The following C3orf52 variants were observed in gnomAD, a reference collection of about 807,000 sequenced individuals.
The protein encoded by C3orf52 is TPA-induced transmembrane protein.
C3orf52 carries 22 observed loss-of-function variants against 24.8 expected under a neutral mutation model. The observed-to-expected ratio is 0.89, with a 90% CI of 0.63 to 1.27. The LOEUF is 1.27. Ranked by LOEUF, C3orf52 falls within the 50% of genes most tolerant of loss-of-function variation. The pLI is 0.00. For missense variants in C3orf52, 265 were observed against 260.7 expected, an observed-to-expected ratio of 1.02 and a Z score of -0.11; for synonymous variants, 93 against 100.2, an observed-to-expected ratio of 0.93 and a Z score of 0.43.
intron 4 of C3orf52, chr3:112,126,979 T>A: frequency 6.4e-7 from 1 of 1,566,248 alleles, no homozygotes; most frequent in Non-Finnish European, 8.8e-7. Flanking sequence ...AGGAAATCAA[T>A]GACTTACTTT....
At chr3:112,091,362 A>G (rs1414050000) in intron 1 of C3orf52, among the ~76,000 whole-genome samples, 1 of 152,102 alleles carries the variant, frequency 6.6e-6, no homozygotes, top group Non-Finnish European at 1.5e-5. Flanking sequence ...TGAACCTGAA[A>G]CCGGACAGGG....
intron 4 of C3orf52, chr3:112,128,057 A>G (rs1389517492): frequency 6.2e-7 from 1 of 1,613,646 alleles, no homozygotes; most frequent in East Asian, 2.2e-5. Context: ...TGGTGATCCC[A>G]GCATCTAAAA....
intron 1 of C3orf52, among the ~76,000 whole-genome samples, chr3:112,092,337 T>C (rs754921636): frequency 1.3e-5 from 2 of 152,220 alleles, no homozygotes; most frequent in Non-Finnish European, 2.9e-5. Context: ...GGAATCCAAG[T>C]GTGTTAGATA....
chr3:112,116,504 C>A (rs1213271843), intron 5 of C3orf52, 138 bp from the exon 6 acceptor site: 2 of 696,760 alleles, frequency 2.9e-6, no homozygotes, highest in African/African-American at 3.6e-5. Context: ...GACTAAATTT[C>A]CTCTGTTAGG....
intron 3 of C3orf52, among the ~76,000 whole-genome samples, chr3:112,107,887 G>A (rs973589828): frequency 2.4e-4 from 36 of 152,210 alleles, no homozygotes; most frequent in African/African-American, 8.0e-4. Context: ...TGGAAGTGCA[G>A]CGTCCTTGAC....
At chr3:112,089,750 G>A (rs927800941) in intron 1 of C3orf52, among the ~76,000 whole-genome samples, 2 of 152,086 alleles carry the variant, frequency 1.3e-5, no homozygotes, top group African/African-American at 2.4e-5. Context: ...TCAAAAAGAA[G>A]AAAGGCTTTT....
At chr3:112,124,898 C>T (rs115323333) in intron 4 of C3orf52, among the ~76,000 whole-genome samples, 2 of 152,188 alleles carry the variant, frequency 1.3e-5, no homozygotes, top group Middle Eastern at 3.4e-3. Context: ...TCTATAAAAT[C>T]GGGGGATGGG....
In C3orf52 at chr3:112,117,320, A is replaced by T. The variant is rs2074144743; in HGVS notation, c.*674A>T. 3.8e-6 allele frequency: 1 copy of T among 261,538 alleles called. No individual in the cohort carries two copies. The highest frequency in any genetic ancestry group is 1.4e-4 in the South Asian group (1 of 6,976). 16.2% of individuals were successfully genotyped at this position (261,538 alleles called of 1,614,324 possible). A position where few individuals can be genotyped will look rare whatever the true frequency, so the allele number is the denominator to read the frequency against. ...CTGTACCTGAGTATCTTAGCCAGCC[A>T]GCCTTAGGAACACCACCAAGGTTAC... On this transcript the variant is annotated 3_prime_UTR_variant, in exon 6 of 6. Transcript: ENST00000264848.
chr3:112,091,740 C>T (rs1213880252), intron 1 of C3orf52, among the ~76,000 whole-genome samples: 2 of 152,180 alleles, frequency 1.3e-5, no homozygotes, highest in Non-Finnish European at 2.9e-5. Flanking sequence ...CGCGGTGGCT[C>T]ATGCCTGTAA....
chr3:112,120,915 ATTT>A (rs1190151479), downstream of C3orf52: 2 of 152,140 alleles, frequency 1.3e-5, no homozygotes, highest in African/African-American at 4.8e-5. Context: ...TCATATCAGA[ATTT>A]TTTAACTCTT....
chr3:112,126,545 G>A (rs2074323422), intron 4 of C3orf52, among the ~76,000 whole-genome samples: 2 of 152,178 alleles, frequency 1.3e-5, no homozygotes. Context: ...GAACCTGGGT[G>A]ATATCTTTAA....
chr3:112,119,417 G>T, downstream of C3orf52: 1 of 701,316 alleles, frequency 1.4e-6, no homozygotes, highest in Non-Finnish European at 2.6e-6. Context: ...GTAGGGTTGC[G>T]GGTGGTCAGA....
downstream of C3orf52, chr3:112,133,110 G>T: frequency 1.2e-6 from 2 of 1,613,834 alleles, no homozygotes; most frequent in South Asian, 1.1e-5. Context: ...TCTCAGCAGA[G>T]AATTTCCCAT....
chr3:112,119,634 A>C (rs191692631), downstream of C3orf52: 351 of 621,226 alleles, frequency 5.7e-4, 1 homozygote, highest in African/African-American at 6.1e-3. Flanking sequence ...GAGTCTGATC[A>C]ATGCTAAGAA....
Position 112,117,572 on chromosome 3 carries a change from A to G in C3orf52, c.*926A>G, listed in dbSNP as rs959406542. The G allele has an allele frequency of 1.3e-5, 2 of 152,224 alleles. No homozygotes were observed. The highest frequency in any genetic ancestry group is 4.8e-5 in the African/African-American group (2 of 41,454). 9.4% of individuals were successfully genotyped at this position (152,224 alleles called of 1,614,324 possible). A position where few individuals can be genotyped will look rare whatever the true frequency, so the allele number is the denominator to read the frequency against. Reference sequence around the variant, plus strand: ...TTAATATCTGCTCTGGATATTACGCATTGGCTTTTTGTTGCCTAGTGCTAC... The same window carrying G: ...TTAATATCTGCTCTGGATATTACGCGTTGGCTTTTTGTTGCCTAGTGCTAC... On this transcript the variant is annotated 3_prime_UTR_variant, in exon 6 of 6. Coordinates refer to ENST00000264848, the MANE Select transcript of C3orf52 (RefSeq NM_024616.3).
chr3:112,130,248 C>T (rs1055175139), downstream of C3orf52: 1 of 598,482 alleles, frequency 1.7e-6, no homozygotes, highest in African/African-American at 1.8e-5. Flanking sequence ...TTACATTAGG[C>T]TTCTAGCAAA....
Position 112,102,916 on chromosome 3 carries a change from C to G in C3orf52, c.347C>G (p.Pro116Arg), listed in dbSNP as rs2073987391. The change falls in exon 3 of 6, where the codon CCA (proline) becomes CGA (arginine). Residue 116 changes from proline to arginine, a missense_variant. By Grantham distance (103) the Pro-to-Arg change is moderately radical. Coordinates refer to ENST00000264848, the MANE Select transcript of C3orf52 (RefSeq NM_024616.3). ...ACATTCTTCATCATGCTGAAGATTC[C>G]AGAGGAGTGTGTTGCTGAAGAGGAA... ...NKTFFIMLKI[P>R]EECVAEEELP... 1 of 1,610,794 alleles carries G rather than the reference C, an allele frequency of 6.2e-7. No homozygotes were observed. Among genetic ancestry groups the G allele is most frequent in the Non-Finnish European group, 8.5e-7 (1 of 1,178,548 alleles).
chr3:112,109,667 C>G (rs1395410414), intron 4 of C3orf52, 54 bp downstream of exon 4: 3 of 1,099,090 alleles, frequency 2.7e-6, no homozygotes, highest in East Asian at 2.5e-5. Context: ...GAGATCCCCC[C>G]ACCCCACCCT....
At chr3:112,128,392 T>C in exon 5 of C3orf52, 1 of 443,256 alleles carries the variant, frequency 2.3e-6, no homozygotes, top group Non-Finnish European at 4.2e-6. Context: ...AAGGTACAAG[T>C]GTATGGAAAT....
Sources: allele counts gnomAD v4.1 joint callset (sites outside exome capture counted in the v4.1 genomes callset), GRCh38; gene constraint gnomAD v4.1.1; transcripts MANE v1.5; gene names NCBI Gene and HGNC (gene_info 2026-07-23, HGNC 2026-07-21).